Variants in TMEM223 observed in about 807,000 individuals in gnomAD.
The protein encoded by TMEM223 is transmembrane protein 223.
In TMEM223, 14 loss-of-function variants were observed where a neutral mutation model predicts 14.1. The ratio of observed to expected loss-of-function variants is 0.99; its 90% CI spans 0.66 to 1.55. The LOEUF (loss-of-function observed/expected upper bound fraction) is 1.55. Ranked by LOEUF, TMEM223 falls within the 40% of genes most tolerant of loss-of-function variation. The probability of loss-of-function intolerance (pLI) is 0.00; values close to 1 mark genes in which losing one functional copy is unlikely to be tolerated. For synonymous variants in TMEM223, 145 were observed against 120.5 expected, an observed-to-expected ratio of 1.20 and a Z score of -1.33; for missense variants, 346 against 269.9, an observed-to-expected ratio of 1.28 and a Z score of -1.97.
At chr11:62,789,047 C>T, downstream of TMEM223, 3 of 1,614,108 alleles carry the variant, frequency 1.9e-6, no homozygotes, top group Non-Finnish European at 1.7e-6. Flanking sequence ...TAGATGTCCC[C>T]TGTATGGTGT....
chr11:62,771,847 C>G (rs1437875216), exon 3 of TMEM223: 3 of 300,408 alleles, frequency 1.0e-5, no homozygotes, highest in African/African-American at 4.4e-5. Flanking sequence ...CCGTGCCTTT[C>G]GCGCTGGTGG....
intron 2 of TMEM223, among the ~76,000 whole-genome samples, chr11:62,773,593 A>G (rs1308923584): frequency 6.6e-6 from 1 of 151,858 alleles, no homozygotes; most frequent in Non-Finnish European, 1.5e-5. Context: ...GATTACAGGC[A>G]TGTGCCACCA....
downstream of TMEM223, among the ~76,000 whole-genome samples, chr11:62,784,307 T>A (rs2084253719): frequency 9.2e-6 from 1 of 108,606 alleles, no homozygotes; most frequent in African/African-American, 3.8e-5. Context: ...ATATTCTTAA[T>A]TTTTTTTTTT....
downstream of TMEM223, among the ~76,000 whole-genome samples, chr11:62,784,653 G>C (rs990397993): frequency 2.6e-5 from 4 of 152,080 alleles, no homozygotes. Flanking sequence ...TTATCAGATG[G>C]TTTTTCTGCA....
chr11:62,778,464 G>C (rs973472516), intron 1 of TMEM223: 1 of 1,149,808 alleles, frequency 8.7e-7, no homozygotes. Flanking sequence ...GCCATGGTCT[G>C]AGTGGGCGCT....
downstream of TMEM223, among the ~76,000 whole-genome samples, chr11:62,785,195 CTT>C (rs770648187): frequency 3.6e-5 from 5 of 138,442 alleles, no homozygotes; most frequent in Admixed American, 1.5e-4. Context: ...ATTTTCTTTC[CTT>C]TTTTTTTTTT....
At chr11:62,786,741 C>G (rs2084281586), downstream of TMEM223, 1 of 1,613,048 alleles carries the variant, frequency 6.2e-7, no homozygotes, top group South Asian at 1.1e-5. Context: ...TGACCCTGGC[C>G]GACATCTACC....
In TMEM223 at chr11:62,790,474, C is replaced by T. The variant is rs2084347957; in HGVS notation, c.*149G>A. The T allele has an allele frequency of 7.3e-6, 5 of 688,814 alleles. No individual in the cohort carries two copies. In the Admixed American group the frequency reaches 1.3e-4, roughly 18 times the overall value. 42.7% of individuals were successfully genotyped at this position (688,814 alleles called of 1,614,324 possible). A position where few individuals can be genotyped will look rare whatever the true frequency, so the allele number is the denominator to read the frequency against. ...TTTTGTAAATAGAGACAAGGTCTCG[C>T]TATGTTGCCCAGCCTGGGCTCGAGC... On this transcript the variant is annotated 3_prime_UTR_variant, in exon 2 of 2. Transcript: ENST00000307366.
chr11:62,786,121 G>T, downstream of TMEM223: 1 of 1,063,934 alleles, frequency 9.4e-7, no homozygotes, highest in Non-Finnish European at 1.4e-6. Context: ...ATATATGGTT[G>T]AATATGCCAA....
chr11:62,783,469 G>C (rs1286118479), downstream of TMEM223, among the ~76,000 whole-genome samples: 1 of 149,294 alleles, frequency 6.7e-6, no homozygotes, highest in Non-Finnish European at 1.5e-5. Flanking sequence ...GCGACAGAGC[G>C]AGACTCTGTC....
chr11:62,789,903 T>C, downstream of TMEM223: 2 of 1,613,778 alleles, frequency 1.2e-6, no homozygotes, highest in Non-Finnish European at 1.7e-6. Flanking sequence ...CTTGGGTGAA[T>C]TTGGTATTGT....
chr11:62,791,847 G>A lies in TMEM223; in HGVS notation c.148C>T (p.Leu50=). Reference sequence around the variant, plus strand: ...AAGACGCCCTGGCCCGCGCAGAACAGCCCGAGGATGGTGAAGAAGCGGCCC... The same window carrying A: ...AAGACGCCCTGGCCCGCGCAGAACAACCCGAGGATGGTGAAGAAGCGGCCC... The part of the protein sequence containing the change: ...DRGRFFTILG[L]FCAGQGVFWA... Residue 50 remains leucine, a synonymous_variant, in exon 1 of 2, where the codon CTG becomes TTG. Transcript: ENST00000307366. 6.3e-7 allele frequency: 1 copy of A among 1,591,982 alleles called. No individual in the cohort carries two copies. Among genetic ancestry groups the A allele is most frequent in the East Asian group, 2.3e-5 (1 of 43,736 alleles).
At chr11:62,774,116 G>T (rs1341963374) in intron 2 of TMEM223, among the ~76,000 whole-genome samples, 1 of 151,362 alleles carries the variant, frequency 6.6e-6, no homozygotes, top group African/African-American at 2.4e-5. Context: ...TTGCTCTGTT[G>T]CCCAGGCTGG....
intron 1 of TMEM223, among the ~76,000 whole-genome samples, chr11:62,776,800 G>A (rs1189223596): frequency 4.0e-5 from 6 of 149,236 alleles, no homozygotes; most frequent in Non-Finnish European, 8.9e-5. Context: ...GTGGTGAGCT[G>A]AGATTGCACT....
chr11:62,775,555 C>G, intron 1 of TMEM223: 5 of 519,998 alleles, frequency 9.6e-6, no homozygotes, highest in Non-Finnish European at 1.7e-5. Context: ...TCTGTGAACC[C>G]CAACACTTTG....
rs2084157528 is a variant in TMEM223, at chr11:62,772,729, C to T, written c.386-597G>A. Among the ~76,000 whole-genome samples, 5 of 147,080 alleles carry T rather than the reference C, an allele frequency of 3.4e-5. No individual in the cohort carries two copies. The South Asian group carries it at 1.1e-3, about 32-fold the overall frequency. On this transcript the variant is annotated intron_variant, in intron 2 of 2. Transcript: ENST00000528367. The stretch of plus-strand genomic sequence containing the variant: ...CCTGTAATCCCAGCTACTCGGGAAG[C>T]GGAGGTTTTAGTGAGCCGAGATCAA...
rs1310951582 is a variant in TMEM223 at position 62,790,852 on chromosome 11, C to G, written c.380G>C (p.Arg127Pro). 3 of 1,604,902 alleles carry G rather than the reference C, an allele frequency of 1.9e-6. No individual in the cohort carries two copies. Among genetic ancestry groups the G allele is most frequent in the South Asian group, 1.1e-5 (1 of 89,424 alleles). Residue 127 changes from arginine to proline, a missense_variant, in exon 2 of 2, where the codon CGA becomes CCA. Coordinates refer to ENST00000307366, the MANE Select transcript of TMEM223 (RefSeq NM_001080501.3). ...SLRSVRSVVL[R>P]AGGQQVTLTT... ...GAGGGTCACCTGCTGCCCTCCAGCT[C>G]GAAGCACCACTGAGCGCACAGACCG...
At chr11:62,772,988 C>T (rs1275504361) in intron 2 of TMEM223, among the ~76,000 whole-genome samples, 1 of 151,328 alleles carries the variant, frequency 6.6e-6, no homozygotes, top group Non-Finnish European at 1.5e-5. Flanking sequence ...AGTGATTCTC[C>T]TGCCTCAGCC....
chr11:62,789,904 T>C (rs757770845), downstream of TMEM223: 7 of 1,613,716 alleles, frequency 4.3e-6, no homozygotes, highest in African/African-American at 9.3e-5. Flanking sequence ...TTGGGTGAAT[T>C]TGGTATTGTG....
Sources: allele counts gnomAD v4.1 joint callset (sites outside exome capture counted in the v4.1 genomes callset), GRCh38; gene constraint gnomAD v4.1.1; transcripts MANE v1.5; gene names NCBI Gene and HGNC (gene_info 2026-07-23, HGNC 2026-07-21).